KCNK3: variants seen among roughly 807,000 people sequenced by gnomAD.
The protein encoded by KCNK3 is potassium two pore domain channel subfamily K member 3.
A neutral mutation model predicts 27.3 loss-of-function variants in KCNK3; 9 were observed. The ratio of observed to expected loss-of-function variants is 0.33; its 90% CI spans 0.20 to 0.57. The LOEUF is 0.57. KCNK3 is among the 20% of genes least tolerant of loss of function. The probability of loss-of-function intolerance (pLI) is 0.87; values close to 1 mark genes in which losing one functional copy is unlikely to be tolerated. For synonymous variants in KCNK3, 278 were observed against 273.8 expected (o/e 1.02, Z -0.15); for missense variants, 391 against 577.7 (o/e 0.68, Z 3.31).
chr2:26,728,937 G>A lies in KCNK3; in HGVS notation c.*369G>A, dbSNP rs972551375. 5 of 211,154 alleles carry A rather than the reference G, an allele frequency of 2.4e-5. No homozygotes were observed. The highest frequency in any genetic ancestry group is 4.7e-5 in the Non-Finnish European group (5 of 107,200). 13.1% of individuals were successfully genotyped at this position (211,154 alleles called of 1,614,324 possible). A position where few individuals can be genotyped will look rare whatever the true frequency, so the allele number is the denominator to read the frequency against. On this transcript the variant is annotated 3_prime_UTR_variant, in exon 2 of 2. Coordinates refer to ENST00000302909, the MANE Select transcript of KCNK3 (RefSeq NM_002246.3). ...GGAGGGGACTTCATGTTCCGTGTAC[G>A]TTTGCATCTCTATTTATACCTCTGT... is the stretch of plus-strand genomic sequence containing the variant.
At chr2:26,722,436 C>T (rs992861582) in intron 1 of KCNK3, among the ~76,000 whole-genome samples, 1 of 152,186 alleles carries the variant, frequency 6.6e-6, no homozygotes, top group Admixed American at 6.5e-5. Flanking sequence ...TCTATGAACT[C>T]AATCAAGTCC....
Position 26,709,545 on chromosome 2 carries a change from G to A in KCNK3, c.283+16387G>A, listed in dbSNP as rs140565870. Among the ~76,000 whole-genome samples, 8 of 152,242 alleles carry A rather than the reference G, an allele frequency of 5.3e-5. No homozygotes were observed. In the East Asian group the frequency reaches 1.2e-3, roughly 22 times the overall value. ...ACCACCAGTAGATCTGCAGCATGGC[G>A]GTCACCGGAGACATTGGCCATGAAA... is the stretch of plus-strand genomic sequence containing the variant. On this transcript the variant is annotated intron_variant, in intron 1 of 1. Coordinates refer to ENST00000302909, the MANE Select transcript of KCNK3 (RefSeq NM_002246.3).
Position 26,729,386 on chromosome 2 carries a change from C to G in KCNK3, c.*818C>G, listed in dbSNP as rs1313567835. 6.6e-6 allele frequency: 1 copy of G among 152,220 alleles called. No individual in the cohort carries two copies. The highest frequency in any genetic ancestry group is 1.5e-5 in the Non-Finnish European group (1 of 68,046). The allele number at this position is 152,220 out of a possible 1,614,324, so 9.4% of individuals were successfully genotyped here. A position where few individuals can be genotyped will look rare whatever the true frequency, so the allele number is the denominator to read the frequency against. On this transcript the variant is annotated 3_prime_UTR_variant, in exon 2 of 2. Coordinates refer to ENST00000302909, the MANE Select transcript of KCNK3 (RefSeq NM_002246.3). The stretch of plus-strand genomic sequence containing the variant: ...GATAATTACCCACTCTTAAATTTGT[C>G]GAGTGATTTTTAGCCTCTGAAAACT...
Position 26,692,768 on chromosome 2 carries a change from G to T in KCNK3, c.-108G>T, listed in dbSNP as rs1248209302. The T allele has an allele frequency of 1.3e-5, 7 of 552,502 alleles. No homozygotes were observed. Among genetic ancestry groups the T allele is most frequent in the Non-Finnish European group, 1.6e-5 (7 of 436,196 alleles). 34.2% of individuals were successfully genotyped at this position (552,502 alleles called of 1,614,324 possible). ...TGAGCGGGTGCCCGGCGCGGAGAGC[G>T]GCGAGCGCAGCCATGCCCCAGGCCG... On this transcript the variant is annotated 5_prime_UTR_variant, in exon 1 of 2. Coordinates refer to ENST00000302909, the MANE Select transcript of KCNK3 (RefSeq NM_002246.3). The surrounding 1 kb of genome is among the most constrained non-coding windows in gnomAD (Gnocchi z 5.6).
At position 26,728,129 on chromosome 2, in the gene KCNK3, T is replaced by C. The variant is rs1015646363; in HGVS notation, c.746T>C (p.Met249Thr). Residue 249 changes from methionine (M) to threonine (T), a missense_variant, in exon 2 of 2, where the codon ATG becomes ACG. Met to Thr is a moderately conservative substitution (Grantham distance 81). Coordinates refer to ENST00000302909, the MANE Select transcript of KCNK3 (RefSeq NM_002246.3). Reference protein sequence around the residue: ...LNLVVLRFMTMNAEDEKRDAE... With the variant: ...LNLVVLRFMTTNAEDEKRDAE... The stretch of plus-strand genomic sequence containing the variant: ...CTCGTGGTGCTGCGCTTCATGACCA[T>C]GAACGCCGAGGACGAGAAGCGCGAC... 4 of 1,604,738 alleles carry C rather than the reference T, an allele frequency of 2.5e-6. No homozygotes were observed. The highest frequency in any genetic ancestry group is 4.5e-5 in the East Asian group (2 of 44,396).
intron 1 of KCNK3, among the ~76,000 whole-genome samples, chr2:26,709,392 G>T (rs1663056499): frequency 1.3e-5 from 2 of 152,168 alleles, no homozygotes; most frequent in Non-Finnish European, 2.9e-5. Context: ...GTCAAGCAAG[G>T]AAGGGAGCCT....
chr2:26,704,677 T>TC (rs1670350416), intron 1 of KCNK3, among the ~76,000 whole-genome samples: 1 of 152,168 alleles, frequency 6.6e-6, no homozygotes, highest in East Asian at 1.9e-4. Flanking sequence ...TGAGGTCTAG[T>TC]CCCCCTGCCC....
intron 1 of KCNK3, among the ~76,000 whole-genome samples, chr2:26,714,536 G>A (rs780396896): frequency 1.5e-3 from 1 of 648 alleles, no homozygotes; most frequent in Non-Finnish European, 3.3e-3. Flanking sequence ...CAGAGCTGGA[G>A]AGAGCACCCG....
intron 1 of KCNK3, among the ~76,000 whole-genome samples, chr2:26,724,121 A>C (rs1278712687): frequency 2.0e-5 from 3 of 152,200 alleles, no homozygotes. Flanking sequence ...GCCCCCTGGG[A>C]GTGGCTCCAC....
At chr2:26,724,030 G>A (rs1663368748) in intron 1 of KCNK3, among the ~76,000 whole-genome samples, 1 of 152,262 alleles carries the variant, frequency 6.6e-6, no homozygotes, top group East Asian at 1.9e-4. Context: ...CGCGACATGG[G>A]CAAGGACCAG....
At chr2:26,711,363 T>G (rs1345007727) in intron 1 of KCNK3, among the ~76,000 whole-genome samples, 1 of 152,176 alleles carries the variant, frequency 6.6e-6, no homozygotes, top group Non-Finnish European at 1.5e-5. Flanking sequence ...CATATAAACA[T>G]GCTGCCCCGC....
intron 1 of KCNK3, among the ~76,000 whole-genome samples, chr2:26,722,021 G>A (rs141992929): frequency 3.9e-5 from 6 of 152,306 alleles, no homozygotes; most frequent in Admixed American, 1.3e-4. Context: ...GCACAGGAGC[G>A]TTTCCCAAAC....
At chr2:26,698,943 G>A (rs543810570) in intron 1 of KCNK3, among the ~76,000 whole-genome samples, 13 of 152,128 alleles carry the variant, frequency 8.5e-5, no homozygotes, top group Admixed American at 4.6e-4. Context: ...TTGGGAAGCC[G>A]AGGTGGGCAG....
In KCNK3 at chr2:26,721,445, C is replaced by T. The variant is rs867540402; in HGVS notation, c.284-6222C>T. On this transcript the variant is annotated intron_variant, in intron 1 of 1. Transcript: ENST00000302909. The surrounding 1 kb of genome is among the most constrained non-coding windows in gnomAD (Gnocchi z 4.3). ...GGCACAGAAGCTAGGCTCCTTCCGC[C>T]TCATCTCCTTTAACATGCCAATTAG... Among the ~76,000 whole-genome samples, 2 of 152,186 alleles carry T rather than the reference C, an allele frequency of 1.3e-5. No individual in the cohort carries two copies. Among genetic ancestry groups the T allele is most frequent in the Non-Finnish European group, 1.5e-5 (1 of 68,020 alleles).
chr2:26,696,863 C>A (rs1351814572), intron 1 of KCNK3, among the ~76,000 whole-genome samples: 1 of 152,100 alleles, frequency 6.6e-6, no homozygotes, highest in Admixed American at 6.5e-5. Flanking sequence ...AAAAACCTAA[C>A]CCCCAGTCCC....
Position 26,728,016 on chromosome 2 carries a change from C to T in KCNK3, c.633C>T (p.Asp211=). The T allele has an allele frequency of 1.2e-6, 2 of 1,614,238 alleles. No homozygotes were observed. The highest frequency in any genetic ancestry group is 1.7e-6 in the Non-Finnish European group (2 of 1,180,040). The part of the protein sequence containing the change: ...GFGDYVALQK[D]QALQTQPQYV... ...GCGACTACGTGGCGCTGCAGAAGGA[C>T]CAGGCCCTGCAGACGCAGCCGCAGT... Residue 211 remains aspartate (D), a synonymous_variant, in exon 2 of 2, where the codon GAC becomes GAT. Coordinates refer to ENST00000302909, the MANE Select transcript of KCNK3 (RefSeq NM_002246.3).
At chr2:26,694,832 T>A (rs1670215188) in intron 1 of KCNK3, among the ~76,000 whole-genome samples, 1 of 152,154 alleles carries the variant, frequency 6.6e-6, no homozygotes, top group African/African-American at 2.4e-5. Flanking sequence ...TCTCTCTCCC[T>A]CTTTTCCACA....
At chr2:26,718,898 G>A (rs1296259404) in intron 1 of KCNK3, among the ~76,000 whole-genome samples, 1 of 152,160 alleles carries the variant, frequency 6.6e-6, no homozygotes, top group Non-Finnish European at 1.5e-5. Context: ...ATGAACGAGT[G>A]TGCCCAGCCA....
At chr2:26,722,933 C>A (rs1663350363) in intron 1 of KCNK3, among the ~76,000 whole-genome samples, 1 of 152,218 alleles carries the variant, frequency 6.6e-6, no homozygotes, top group South Asian at 2.1e-4. Context: ...GATGAGGAAA[C>A]CTGAGGCCCA....
Sources: allele counts gnomAD v4.1 joint callset (sites outside exome capture counted in the v4.1 genomes callset), GRCh38; gene constraint gnomAD v4.1.1; non-coding constraint Gnocchi (gnomAD v3.1); transcripts MANE v1.5; gene names NCBI Gene and HGNC (gene_info 2026-07-23, HGNC 2026-07-21).